STX11: variants seen among roughly 807,000 people sequenced by gnomAD.
STX11 encodes syntaxin-11.
In STX11, 21 loss-of-function variants were observed where a neutral mutation model predicts 19.9. That is an observed-to-expected ratio of 1.06 (90% CI 0.75 to 1.52). STX11 has a LOEUF of 1.52. STX11 is among the 40% of genes most tolerant of loss of function. The pLI is 0.00. For missense variants in STX11, 438 were observed against 405.9 expected (o/e 1.08, Z -0.68); for synonymous variants, 193 against 174.4 (o/e 1.11, Z -0.84).
In STX11 at chr6:144,178,405, G is replaced by T. The variant is rs146769490; in HGVS notation, c.-5-8218G>T. Among the ~76,000 whole-genome samples, 776 of 152,324 alleles carry T rather than the reference G, an allele frequency of 5.1e-3. 3 individuals carry two copies. Among genetic ancestry groups the T allele is most frequent in the African/African-American group, 0.018 (745 of 41,560 alleles). ...CAGAATGTATGAAACCTACACAGGA[G>T]TAGCTGCTTTGATTTCCCGTGCATT... On this transcript the variant is annotated intron_variant, in intron 1 of 1. Transcript: ENST00000367568.
At chr6:144,146,715 C>T (rs748966531), upstream of STX11, among the ~76,000 whole-genome samples, 4 of 152,166 alleles carry the variant, frequency 2.6e-5, no homozygotes, top group Non-Finnish European at 4.4e-5. The surrounding 1 kb of genome is among the most constrained non-coding windows in gnomAD (Gnocchi z 4.4). Flanking sequence ...CACCACCGCA[C>T]CCGGCTAATT....
At position 144,175,899 on chromosome 6, in the gene STX11, T is replaced by C. The variant is rs1209213360; in HGVS notation, c.-5-10724T>C. Among the ~76,000 whole-genome samples the C allele has an allele frequency of 6.6e-6, 1 of 152,156 alleles. No individual in the cohort carries two copies. The highest frequency in any genetic ancestry group is 1.9e-4 in the East Asian group (1 of 5,200). On this transcript the variant is annotated intron_variant, in intron 1 of 1. Coordinates refer to ENST00000367568, the MANE Select transcript of STX11 (RefSeq NM_003764.4). The surrounding 1 kb of genome is among the most constrained non-coding windows in gnomAD (Gnocchi z 5.1). ...ACAAGGTTGGAAGATGTGGCTTACA[T>C]CTGTGGGACTGTGCATTCTGATCTT...
At chr6:144,150,040 G>A (rs1380068010), upstream of STX11, among the ~76,000 whole-genome samples, 5 of 152,170 alleles carry the variant, frequency 3.3e-5, no homozygotes, top group Admixed American at 3.3e-4. Context: ...CTGGGAAGGC[G>A]GTGCTCGGCC....
At chr6:144,161,994 G>T (rs980993260) in intron 1 of STX11, among the ~76,000 whole-genome samples, 1 of 152,082 alleles carries the variant, frequency 6.6e-6, no homozygotes, top group Non-Finnish European at 1.5e-5. Context: ...GAAGGAGGAG[G>T]GTTTGAAGGT....
At chr6:144,146,993 C>G (rs118186944), upstream of STX11, among the ~76,000 whole-genome samples, 2 of 152,246 alleles carry the variant, frequency 1.3e-5, no homozygotes, top group African/African-American at 2.4e-5. The surrounding 1 kb of genome is among the most constrained non-coding windows in gnomAD (Gnocchi z 4.4). Flanking sequence ...CAGGGATGAA[C>G]TCTTTCTTCT....
chr6:144,144,993 T>C, the STX11 span, among the ~76,000 whole-genome samples: 1 of 152,184 alleles, frequency 6.6e-6, no homozygotes, highest in Non-Finnish European at 1.5e-5. Context: ...ATGATAATTC[T>C]ACACAAAATT....
chr6:144,153,570 T>C lies in STX11; in HGVS notation c.-6+2867T>C, dbSNP rs1801059937. The stretch of plus-strand genomic sequence containing the variant: ...AATAGTACTGAAGCCTTTGAACAAG[T>C]GAATGATATTGTCAGGTATGTGTTT... On this transcript the variant is annotated intron_variant, in intron 1 of 1. Transcript: ENST00000367568. This position sits in a 1 kb window ranked among gnomAD's most constrained non-coding sequence, Gnocchi z 5.0. Among the ~76,000 whole-genome samples the C allele has an allele frequency of 6.6e-6, 1 of 152,142 alleles. No homozygotes were observed. Among genetic ancestry groups the C allele is most frequent in the Non-Finnish European group, 1.5e-5 (1 of 68,040 alleles).
Position 144,186,581 on chromosome 6 carries a change from A to G in STX11, c.-5-42A>G, listed in dbSNP as rs768770519. On this transcript the variant is annotated intron_variant, in intron 1 of 1. Coordinates refer to ENST00000367568, the MANE Select transcript of STX11 (RefSeq NM_003764.4). ...TCAATCCCTTGAAGGCAAATATTTG[A>G]CTCTCAATAGAGAAATTTAACTTCA... 3 of 1,612,988 alleles carry G rather than the reference A, an allele frequency of 1.9e-6. No homozygotes were observed. In the South Asian group the frequency reaches 3.3e-5, roughly 18 times the overall value.
intron 1 of STX11, 129 bp from the exon 2 acceptor site, chr6:144,186,494 G>A: frequency 9.1e-7 from 1 of 1,093,394 alleles, no homozygotes; most frequent in Non-Finnish European, 1.4e-6. Context: ...AGCTCCTTTA[G>A]TGCACTTATT....
At position 144,184,364 on chromosome 6, in the gene STX11, G is replaced by T. The variant is rs1181234887; in HGVS notation, c.-5-2259G>T. The stretch of plus-strand genomic sequence containing the variant: ...TTCACAACCACCATCAGCATCTGTT[G>T]TTTCTTGACATTTTAATAGTCACCA... On this transcript the variant is annotated intron_variant, in intron 1 of 1. Coordinates refer to ENST00000367568, the MANE Select transcript of STX11 (RefSeq NM_003764.4). The surrounding 1 kb of genome is among the most constrained non-coding windows in gnomAD (Gnocchi z 6.5). Among the ~76,000 whole-genome samples, 1 of 152,142 alleles carries T rather than the reference G, an allele frequency of 6.6e-6. No individual in the cohort carries two copies. Among genetic ancestry groups the T allele is most frequent in the Non-Finnish European group, 1.5e-5 (1 of 68,024 alleles).
chr6:144,154,608 G>A lies in STX11; in HGVS notation c.-6+3905G>A, dbSNP rs1584012885. On this transcript the variant is annotated intron_variant, in intron 1 of 1. Coordinates refer to ENST00000367568, the MANE Select transcript of STX11 (RefSeq NM_003764.4). The surrounding 1 kb of genome is among the most constrained non-coding windows in gnomAD (Gnocchi z 4.7). ...GGGAAGCAGAAAGGCTAGCAAGGGA[G>A]GCATTAATCTACAGAGCAGGGTCAA... 6.6e-6 allele frequency among the ~76,000 whole-genome samples: 1 copy of A among 152,314 alleles called. No homozygotes were observed. The highest frequency in any genetic ancestry group is 1.9e-4 in the East Asian group (1 of 5,188).
At chr6:144,147,278 C>G (rs79704826), upstream of STX11, among the ~76,000 whole-genome samples, 3,175 of 152,266 alleles carry the variant, frequency 0.021, 127 homozygotes, top group African/African-American at 0.073. This position sits in a 1 kb window ranked among gnomAD's most constrained non-coding sequence, Gnocchi z 4.2. Context: ...GGTCATCCCC[C>G]ACTAAAACTC....
rs143950905 is a variant in STX11 at position 144,175,931 on chromosome 6, A to G, written c.-5-10692A>G. On this transcript the variant is annotated intron_variant, in intron 1 of 1. Coordinates refer to ENST00000367568, the MANE Select transcript of STX11 (RefSeq NM_003764.4). This position sits in a 1 kb window ranked among gnomAD's most constrained non-coding sequence, Gnocchi z 5.1. Reference sequence around the variant, plus strand: ...GACTGTGCATTCTGATCTTGAAGCCAGCATTAGCTGGATTTACCCTCCCTG... The same window carrying G: ...GACTGTGCATTCTGATCTTGAAGCCGGCATTAGCTGGATTTACCCTCCCTG... Among the ~76,000 whole-genome samples, 134 of 152,322 alleles carry G rather than the reference A, an allele frequency of 8.8e-4. No individual in the cohort carries two copies. The highest frequency in any genetic ancestry group is 3.4e-3 in the Middle Eastern group (1 of 294).
chr6:144,166,984 T>C (rs1196263488), intron 1 of STX11, among the ~76,000 whole-genome samples: 1 of 152,162 alleles, frequency 6.6e-6, no homozygotes, highest in African/African-American at 2.4e-5. Flanking sequence ...CCTGTGGCCC[T>C]GCATCTCTGA....
upstream of STX11, among the ~76,000 whole-genome samples, chr6:144,149,177 T>G (rs1289746520): frequency 6.6e-6 from 1 of 152,208 alleles, no homozygotes; most frequent in Non-Finnish European, 1.5e-5. The surrounding 1 kb of genome is among the most constrained non-coding windows in gnomAD (Gnocchi z 5.1). Flanking sequence ...CTTTCCACAT[T>G]GTACTATTTT....
In STX11 at chr6:144,155,971, TTTC is replaced by T; in HGVS notation, c.-6+5271_-6+5273del. Among the ~76,000 whole-genome samples, 1 of 129,886 alleles carries T rather than the reference TTTC, an allele frequency of 7.7e-6. No homozygotes were observed. Among genetic ancestry groups the T allele is most frequent in the African/African-American group, 3.9e-5 (1 of 25,502 alleles). 85.2% of individuals were successfully genotyped at this position (129,886 alleles called of 152,430 possible). Reference sequence around the variant, plus strand: ...CTTTCTTTCTTTCTTTCTTTCTTTCTTTCTTTCTTTCTTTCTTTCTTTCTTTCT... The same window carrying T: ...CTTTCTTTCTTTCTTTCTTTCTTTCTTTTCTTTCTTTCTTTCTTTCTTTCT... On this transcript the variant is annotated intron_variant, in intron 1 of 1. Transcript: ENST00000367568. This position sits in a 1 kb window ranked among gnomAD's most constrained non-coding sequence, Gnocchi z 4.5.
In STX11 at chr6:144,186,620, C is replaced by T; in HGVS notation, c.-5-3C>T. On this transcript the variant is annotated splice_polypyrimidine_tract_variant and splice_region_variant and intron_variant, in intron 1 of 1. Transcript: ENST00000367568. ...AATTTAACTTCATTATCTCTACTTG[C>T]AGGCAAAATGAAAGACCGGCTAGCA... The T allele has an allele frequency of 6.2e-7, 1 of 1,614,022 alleles. No individual in the cohort carries two copies.
chr6:144,154,351 C>A lies in STX11; in HGVS notation c.-6+3648C>A, dbSNP rs537382528. ...GTGCTACATGACATCCCACCCCCTACCTTCACTCCAAGAAATACCTGATTC... is the reference window on the plus strand; with the variant it reads ...GTGCTACATGACATCCCACCCCCTAACTTCACTCCAAGAAATACCTGATTC... On this transcript the variant is annotated intron_variant, in intron 1 of 1. Coordinates refer to ENST00000367568, the MANE Select transcript of STX11 (RefSeq NM_003764.4). This position sits in a 1 kb window ranked among gnomAD's most constrained non-coding sequence, Gnocchi z 4.7. 7.2e-4 allele frequency among the ~76,000 whole-genome samples: 110 copies of A among 152,292 alleles called. 1 individual carries two copies. The highest frequency in any genetic ancestry group is 2.5e-3 in the African/African-American group (103 of 41,556).
At chr6:144,185,038 C>T (rs1365253350) in intron 1 of STX11, among the ~76,000 whole-genome samples, 1 of 152,154 alleles carries the variant, frequency 6.6e-6, no homozygotes, top group Non-Finnish European at 1.5e-5. Context: ...AACCATACTG[C>T]TAGGAGAATC....
Sources: gnomAD v4.1 joint callset for allele counts (sites outside exome capture counted in the v4.1 genomes callset) on GRCh38, gnomAD v4.1.1 for gene constraint, Gnocchi (gnomAD v3.1) non-coding constraint, MANE v1.5 for transcripts, NCBI Gene and HGNC (gene_info 2026-07-23, HGNC 2026-07-21) for gene names.